Variants in ATP11B observed in about 807,000 individuals in gnomAD.
ATP11B encodes phospholipid-transporting ATPase IF.
Under a neutral mutation model 157.8 loss-of-function variants are expected in ATP11B, and 81 were observed. The observed-to-expected ratio is 0.51, with a 90% confidence interval of 0.43 to 0.62. ATP11B has a LOEUF of 0.62. ATP11B is among the 20% of genes least tolerant of loss of function. The probability of loss-of-function intolerance (pLI) is 0.00; values close to 1 mark genes in which losing one functional copy is unlikely to be tolerated. For missense variants in ATP11B, 1,165 were observed against 1,402.2 expected (o/e 0.83, Z 2.70); for synonymous variants, 451 against 469.4 (o/e 0.96, Z 0.51).
Position 182,794,834 on chromosome 3 carries a change from T to TTC in ATP11B, c.27+1050_27+1051dup, listed in dbSNP as rs780251263. ...TTTCTAAATCGCATTAACTTAATGC[T>TTC]TCTACAAGTTGGCGTTTTCATTTAC... On this transcript the variant is annotated intron_variant, in intron 1 of 29. Transcript: ENST00000323116. Among the ~76,000 whole-genome samples the TTC allele has an allele frequency of 3.9e-5, 6 of 152,340 alleles. No individual in the cohort carries two copies. The South Asian group carries it at 1.0e-3, about 26-fold the overall frequency.
At chr3:182,850,619 C>T (rs1719901592) in intron 10 of ATP11B, among the ~76,000 whole-genome samples, 1 of 152,040 alleles carries the variant, frequency 6.6e-6, no homozygotes. Flanking sequence ...AAAGAAAACT[C>T]TTATACGTGG....
chr3:182,818,227 C>G (rs1576965127), intron 1 of ATP11B, among the ~76,000 whole-genome samples: 1 of 152,190 alleles, frequency 6.6e-6, no homozygotes, highest in African/African-American at 2.4e-5. Context: ...CTCCAGATAC[C>G]TGTTTATAGG....
chr3:182,831,187 A>G (rs60648295), intron 4 of ATP11B, among the ~76,000 whole-genome samples: 1,619 of 152,234 alleles, frequency 0.011, 31 homozygotes, highest in African/African-American at 0.037. Context: ...TTTCCCCCTC[A>G]AAAACTATAC....
chr3:182,850,082 T>C (rs1309993850), intron 10 of ATP11B, among the ~76,000 whole-genome samples: 1 of 152,082 alleles, frequency 6.6e-6, no homozygotes, highest in Admixed American at 6.6e-5. Context: ...ACGGAGGACA[T>C]TGGGGAAAGG....
At chr3:182,841,055 A>T (rs894410029) in intron 7 of ATP11B, among the ~76,000 whole-genome samples, 1 of 151,602 alleles carries the variant, frequency 6.6e-6, no homozygotes, top group Non-Finnish European at 1.5e-5. Context: ...TCCTGCCCAT[A>T]CACTGACCTC....
chr3:182,809,799 A>G (rs1716541802), intron 1 of ATP11B, among the ~76,000 whole-genome samples: 1 of 152,212 alleles, frequency 6.6e-6, no homozygotes, highest in African/African-American at 2.4e-5. Flanking sequence ...CATCAATTCC[A>G]TATGGGCAGG....
intron 2 of ATP11B, among the ~76,000 whole-genome samples, chr3:182,822,104 C>A (rs376431019): frequency 6.6e-6 from 1 of 150,898 alleles, no homozygotes; most frequent in Non-Finnish European, 1.5e-5. Context: ...ATTAGTGACA[C>A]AGTTCTTTTT....
Position 182,872,506 on chromosome 3 carries a change from A to G in ATP11B, c.2017A>G (p.Ile673Val), listed in dbSNP as rs373103856. Reference protein sequence around the residue: ...AVFQFIEKDLILLGATAVEDR... With the variant: ...AVFQFIEKDLVLLGATAVEDR... Reference sequence around the variant, plus strand: ...TTTCCAGTTCATAGAGAAAGACCTGATATTACTTGGAGCCACAGCAGTAGA... The same window carrying G: ...TTTCCAGTTCATAGAGAAAGACCTGGTATTACTTGGAGCCACAGCAGTAGA... Residue 673 changes from isoleucine (I) to valine (V), a missense_variant, in exon 18 of 30, where the codon ATA becomes GTA. This residue lies in a region of ATP11B where 737 missense variants were observed against 930.5 expected (regional missense o/e 0.79). Coordinates refer to ENST00000323116, the MANE Select transcript of ATP11B (RefSeq NM_014616.3). 1.9e-6 allele frequency: 3 copies of G among 1,613,714 alleles called. No individual in the cohort carries two copies. The highest frequency in any genetic ancestry group is 1.7e-5 in the Admixed American group (1 of 59,870).
intron 19 of ATP11B, 46 bp from the exon 20 acceptor site, chr3:182,879,450 T>C (rs748399570): frequency 5.3e-6 from 8 of 1,506,584 alleles, no homozygotes; most frequent in Middle Eastern, 1.9e-4. Context: ...GTAAATAATA[T>C]GGCTTCAAAG....
intron 2 of ATP11B, 83 bp from the exon 3 acceptor site, chr3:182,828,037 C>T (rs1430011401): frequency 5.4e-6 from 3 of 560,672 alleles, no homozygotes; most frequent in East Asian, 3.5e-5. Context: ...TTAGTAAAAC[C>T]GATTTTACTT....
chr3:182,898,686 C>T lies in ATP11B; in HGVS notation c.3232C>T (p.Leu1078Phe). Residue 1078 changes from leucine (L) to phenylalanine (F), a missense_variant, in exon 28 of 30, where the codon CTC becomes TTC. Leu to Phe is a conservative substitution (Grantham distance 22, BLOSUM62 0). Transcript: ENST00000323116. ...TGGTTCTGCTTGGTTTGCCATAATC[C>T]TCATGGTTGTTACATGTCTATTTCT... is the stretch of plus-strand genomic sequence containing the variant. ...SSGSAWFAII[L>F]MVVTCLFLDI... 2 of 1,607,692 alleles carry T rather than the reference C, an allele frequency of 1.2e-6. No individual in the cohort carries two copies. The highest frequency in any genetic ancestry group is 8.5e-7 in the Non-Finnish European group (1 of 1,177,040).
chr3:182,824,772 A>G (rs1194694019), intron 2 of ATP11B, among the ~76,000 whole-genome samples: 4 of 152,174 alleles, frequency 2.6e-5, no homozygotes, highest in Admixed American at 2.0e-4. Flanking sequence ...TTACGCCACT[A>G]TTGCTTTCAT....
intron 25 of ATP11B, among the ~76,000 whole-genome samples, chr3:182,890,953 G>T (rs1723132409): frequency 6.6e-6 from 1 of 151,948 alleles, no homozygotes; most frequent in Admixed American, 6.6e-5. Context: ...TGAGTTAATG[G>T]GTGCAGCACA....
intron 28 of ATP11B, among the ~76,000 whole-genome samples, chr3:182,912,344 C>A (rs1292364350): frequency 6.6e-6 from 1 of 152,072 alleles, no homozygotes. Flanking sequence ...AGGCTTCCCC[C>A]ATGGAGATGA....
In ATP11B at chr3:182,884,807, C is replaced by G; in HGVS notation, c.2564C>G (p.Ala855Gly). ...GCAAGAAACAGTGACTATGCAATAG[C>G]CAGATTTAAGTTCCTCTCCAAATTG... ...QAARNSDYAI[A>G]RFKFLSKLLF... is the part of the protein sequence containing the mutation. The change falls in exon 22 of 30, where the codon GCC becomes GGC. Residue 855 changes from alanine (A) to glycine (G), a missense_variant. Transcript: ENST00000323116. The G allele has an allele frequency of 6.2e-7, 1 of 1,602,210 alleles. No individual in the cohort carries two copies. The highest frequency in any genetic ancestry group is 1.1e-5 in the South Asian group (1 of 88,042).
At chr3:182,916,865 A>C (rs1725173385) in intron 29 of ATP11B, 2 of 983,292 alleles carry the variant, frequency 2.0e-6, no homozygotes, top group African/African-American at 3.5e-5. Context: ...TGTTATAGTT[A>C]AAAGTTATAG....
At position 182,836,166 on chromosome 3, in the gene ATP11B, A is replaced by G. The variant is rs368983428; in HGVS notation, c.423+24A>G. 2.4e-5 allele frequency: 38 copies of G among 1,593,846 alleles called. 1 individual carries two copies. In the African/African-American group the frequency reaches 4.0e-4, roughly 17 times the overall value. On this transcript the variant is annotated intron_variant, in intron 5 of 29. Coordinates refer to ENST00000323116, the MANE Select transcript of ATP11B (RefSeq NM_014616.3). Reference sequence around the variant, plus strand: ...GGGTATGCATCTGGTAAATAATGGAAATCAACTTTATCTTGATATCACAGG... The same window carrying G: ...GGGTATGCATCTGGTAAATAATGGAGATCAACTTTATCTTGATATCACAGG...
chr3:182,836,534 C>T, intron 6 of ATP11B, 64 bp downstream of exon 6: 1 of 1,593,890 alleles, frequency 6.3e-7, no homozygotes, highest in Non-Finnish European at 8.6e-7. Context: ...TATAATTATA[C>T]TTAACTTTGG....
At position 182,918,947 on chromosome 3, in the gene ATP11B, T is replaced by C. The variant is rs1011800643; in HGVS notation, c.*843T>C. 6.6e-6 allele frequency: 1 copy of C among 152,202 alleles called. No homozygotes were observed. Among genetic ancestry groups the C allele is most frequent in the African/African-American group, 2.4e-5 (1 of 41,450 alleles). 9.4% of individuals were successfully genotyped at this position (152,202 alleles called of 1,614,324 possible). The stretch of plus-strand genomic sequence containing the variant: ...ATTGGATCTTTTGCATGCTTTAATC[T>C]GGTTAACATATTTAAATTTGCTTTT... On this transcript the variant is annotated 3_prime_UTR_variant, in exon 30 of 30. Coordinates refer to ENST00000323116, the MANE Select transcript of ATP11B (RefSeq NM_014616.3).
Sources: allele counts gnomAD v4.1 joint callset (sites outside exome capture counted in the v4.1 genomes callset), GRCh38; gene constraint gnomAD v4.1.1; regional missense constraint gnomAD v4.1.1; transcripts MANE v1.5; gene names NCBI Gene and HGNC (gene_info 2026-07-23, HGNC 2026-07-21).